The following PTH2R variants were observed in gnomAD, a reference collection of about 807,000 sequenced individuals.
The protein encoded by PTH2R is parathyroid hormone 2 receptor.
In PTH2R, 59 loss-of-function variants were observed where a neutral mutation model predicts 60.3. The ratio of observed to expected loss-of-function variants is 0.98; its 90% CI spans 0.79 to 1.22. PTH2R has a LOEUF of 1.22. Ranked by LOEUF, PTH2R falls within the 50% of genes most tolerant of loss-of-function variation. PTH2R has a pLI of 0.00. For missense variants in PTH2R, 749 were observed against 682.6 expected (o/e 1.10, Z -1.08); for synonymous variants, 256 against 243.8 (o/e 1.05, Z -0.47).
At chr2:208,370,705 T>C (rs920051600) in intron 1 of PTH2R, among the ~76,000 whole-genome samples, 2 of 152,076 alleles carry the variant, frequency 1.3e-5, no homozygotes, top group African/African-American at 4.8e-5. Flanking sequence ...TGAAACTTCA[T>C]GTGAAGTTTC....
chr2:208,440,808 G>A (rs1016328256), intron 4 of PTH2R, among the ~76,000 whole-genome samples: 1 of 152,236 alleles, frequency 6.6e-6, no homozygotes, highest in African/African-American at 2.4e-5. Context: ...TTTGCCGTGA[G>A]GTCTTCACCG....
intron 9 of PTH2R, among the ~76,000 whole-genome samples, chr2:208,474,163 A>G (rs1702946068): frequency 6.6e-6 from 1 of 152,244 alleles, no homozygotes; most frequent in Admixed American, 6.5e-5. Context: ...CTAAAAAGGA[A>G]ATTGGATATT....
chr2:208,451,781 C>A (rs1321115238), intron 8 of PTH2R, among the ~76,000 whole-genome samples: 2 of 152,222 alleles, frequency 1.3e-5, no homozygotes, highest in African/African-American at 4.8e-5. Context: ...TTTAATGTGT[C>A]ATTTTAAAGT....
chr2:208,364,803 A>T (rs2125865580), intron 1 of PTH2R, among the ~76,000 whole-genome samples: 1 of 152,216 alleles, frequency 6.6e-6, no homozygotes, highest in African/African-American at 2.4e-5. Flanking sequence ...CATGAATGTG[A>T]GATGTTTCTA....
intron 7 of PTH2R, among the ~76,000 whole-genome samples, chr2:208,447,268 A>G (rs1282293430): frequency 6.6e-6 from 1 of 152,000 alleles, no homozygotes; most frequent in East Asian, 1.9e-4. Context: ...GACCATGTGC[A>G]ATCTGATTAT....
Position 208,436,845 on chromosome 2 carries a change from GA to G in PTH2R, c.179-691del, listed in dbSNP as rs144324883. The stretch of plus-strand genomic sequence containing the variant: ...ATTCTTGAGAACTACAAAAAAAAGG[GA>G]CAGAGAGAATTGGGTTCATCCAATG... On this transcript the variant is annotated intron_variant, in intron 2 of 12. Coordinates refer to ENST00000272847, the MANE Select transcript of PTH2R (RefSeq NM_005048.4). Among the ~76,000 whole-genome samples the G allele has an allele frequency of 8.5e-3, 1,291 of 152,280 alleles. 24 individuals carry two copies. Among genetic ancestry groups the G allele is most frequent in the African/African-American group, 0.029 (1,208 of 41,554 alleles).
chr2:208,389,617 C>T (rs530302492), intron 1 of PTH2R, among the ~76,000 whole-genome samples: 1 of 152,054 alleles, frequency 6.6e-6, no homozygotes, highest in Non-Finnish European at 1.5e-5. Context: ...TATGTATGAC[C>T]CATGAGGGGA....
intron 11 of PTH2R, 44 bp downstream of exon 11, chr2:208,489,194 T>A: frequency 1.9e-6 from 3 of 1,610,860 alleles, no homozygotes; most frequent in Non-Finnish European, 2.5e-6. Context: ...AATTTGCAGT[T>A]TTTTTTCCTT....
chr2:208,401,361 T>C (rs1701304745), intron 1 of PTH2R, among the ~76,000 whole-genome samples: 1 of 152,152 alleles, frequency 6.6e-6, no homozygotes, highest in South Asian at 2.1e-4. Flanking sequence ...ATCTGTCCCC[T>C]GTAAAAACAG....
rs1368675018 is a variant in PTH2R, at chr2:208,459,918, A to G, written c.938A>G (p.Asp313Gly). Residue 313 changes from aspartate to glycine, a missense_variant, in exon 9 of 13, where the codon GAC (aspartate) becomes GGC (glycine). By Grantham distance (94) the Asp-to-Gly change is moderately conservative. Coordinates refer to ENST00000272847, the MANE Select transcript of PTH2R (RefSeq NM_005048.4). ...AGGTGCTGGGAACTTAGTGCTGGAGACATCAAGTGGATTTATCAAGCACCG... is the reference window on the plus strand; with the variant it reads ...AGGTGCTGGGAACTTAGTGCTGGAGGCATCAAGTGGATTTATCAAGCACCG... ...DARCWELSAG[D>G]IKWIYQAPIL... 6.2e-7 allele frequency: 1 copy of G among 1,613,088 alleles called. No individual in the cohort carries two copies. The highest frequency in any genetic ancestry group is 1.7e-5 in the Admixed American group (1 of 59,932).
At chr2:208,419,945 C>T (rs1374974136) in intron 1 of PTH2R, among the ~76,000 whole-genome samples, 8 of 152,170 alleles carry the variant, frequency 5.3e-5, no homozygotes, top group Non-Finnish European at 1.2e-4. Context: ...CTGTGGAATA[C>T]TATGCAGCCA....
At chr2:208,425,797 G>A (rs760922990) in intron 1 of PTH2R, among the ~76,000 whole-genome samples, 1 of 152,138 alleles carries the variant, frequency 6.6e-6, no homozygotes, top group African/African-American at 2.4e-5. Context: ...TTCTGCCTGT[G>A]CCTATTGATA....
At chr2:208,443,686 C>T in intron 6 of PTH2R, 149 bp downstream of exon 6, 1 of 611,296 alleles carries the variant, frequency 1.6e-6, no homozygotes, top group South Asian at 3.5e-5. Flanking sequence ...GATGTTTTCT[C>T]CCTCAATTCT....
intron 1 of PTH2R, among the ~76,000 whole-genome samples, chr2:208,416,920 G>A (rs1701652357): frequency 6.6e-6 from 1 of 152,124 alleles, no homozygotes; most frequent in Non-Finnish European, 1.5e-5. Context: ...GATGGCTATT[G>A]TGGAACCTTG....
intron 1 of PTH2R, among the ~76,000 whole-genome samples, chr2:208,384,107 T>C (rs1700963985): frequency 6.6e-6 from 1 of 152,196 alleles, no homozygotes; most frequent in South Asian, 2.1e-4. Context: ...CAAGAGAGCA[T>C]GTGACTAAGC....
intron 2 of PTH2R, among the ~76,000 whole-genome samples, chr2:208,430,485 T>C (rs1701947299): frequency 6.6e-6 from 1 of 151,986 alleles, no homozygotes; most frequent in Non-Finnish European, 1.5e-5. Flanking sequence ...TAGCTTCCAT[T>C]GTTATTACTG....
At chr2:208,408,687 AG>A (rs1448983894) in intron 1 of PTH2R, among the ~76,000 whole-genome samples, 1 of 149,396 alleles carries the variant, frequency 6.7e-6, no homozygotes, top group African/African-American at 2.5e-5. Flanking sequence ...CCTGTCTTGA[AG>A]GAAGGAAAGA....
intron 8 of PTH2R, among the ~76,000 whole-genome samples, chr2:208,454,388 G>C (rs767694699): frequency 6.6e-6 from 1 of 152,126 alleles, no homozygotes; most frequent in Non-Finnish European, 1.5e-5. Flanking sequence ...TCATGAGAGT[G>C]GGGCCCTGTT....
At chr2:208,474,056 G>C (rs1312535046) in intron 9 of PTH2R, among the ~76,000 whole-genome samples, 3 of 152,124 alleles carry the variant, frequency 2.0e-5, no homozygotes, top group South Asian at 4.1e-4. Context: ...TTTTATTATA[G>C]GGTTGGTAGT....
Sources: gnomAD v4.1 joint callset for allele counts (sites outside exome capture counted in the v4.1 genomes callset) on GRCh38, gnomAD v4.1.1 for gene constraint, MANE v1.5 for transcripts, NCBI Gene and HGNC (gene_info 2026-07-23, HGNC 2026-07-21) for gene names.